TUSC3: variants seen among roughly 807,000 people sequenced by gnomAD.
The protein encoded by TUSC3 is tumor suppressor candidate 3.
TUSC3 carries 45 observed loss-of-function variants against 44.8 expected under a neutral mutation model. That is an observed-to-expected ratio of 1.00 (90% CI 0.79 to 1.29). The LOEUF (loss-of-function observed/expected upper bound fraction) is 1.29, where lower values mean the gene tolerates loss of function less well. Ranked by LOEUF, TUSC3 falls within the 50% of genes most tolerant of loss-of-function variation. The probability of loss-of-function intolerance (pLI) is 0.00; values close to 1 mark genes in which losing one functional copy is unlikely to be tolerated. For missense variants in TUSC3, 519 were observed against 437.9 expected (o/e 1.19, Z -1.65); for synonymous variants, 212 against 152.9 (o/e 1.39, Z -2.85).
downstream of TUSC3, among the ~76,000 whole-genome samples, chr8:15,771,315 T>C (rs1045976969): frequency 5.3e-5 from 8 of 152,168 alleles, no homozygotes; most frequent in African/African-American, 1.9e-4. Context: ...TATAATCCCG[T>C]GGGCTTTTTG....
At chr8:15,418,572 G>A (rs538938872) in intron 1 of TUSC3, among the ~76,000 whole-genome samples, 2 of 152,272 alleles carry the variant, frequency 1.3e-5, no homozygotes, top group South Asian at 4.1e-4. Context: ...GAAAACAAAA[G>A]TTATAAAATC....
intron 6 of TUSC3, chr8:15,688,952 A>C (rs1010698232): frequency 1.5e-5 from 3 of 199,656 alleles, no homozygotes; most frequent in South Asian, 8.8e-5. Context: ...TTGAGGACTG[A>C]GTGCATACAG....
chr8:15,745,816 G>A (rs1485768698), intron 8 of TUSC3, among the ~76,000 whole-genome samples: 1 of 151,906 alleles, frequency 6.6e-6, no homozygotes, highest in Non-Finnish European at 1.5e-5. Context: ...GTTTTTATTT[G>A]CAATTGCCTT....
chr8:15,504,714 G>A (rs1183438981), intron 2 of TUSC3, among the ~76,000 whole-genome samples: 1 of 143,142 alleles, frequency 7.0e-6, no homozygotes, highest in African/African-American at 2.6e-5. Context: ...GTGCAGTGGT[G>A]CGATCTTGGC....
intron 1 of TUSC3, among the ~76,000 whole-genome samples, chr8:15,570,043 A>C (rs948808427): frequency 1.3e-5 from 2 of 152,032 alleles, no homozygotes; most frequent in Non-Finnish European, 2.9e-5. Context: ...ATATTGATGG[A>C]AAATTTTGCT....
chr8:15,704,911 A>T (rs150125734), intron 6 of TUSC3, among the ~76,000 whole-genome samples: 9 of 151,296 alleles, frequency 5.9e-5, no homozygotes, highest in African/African-American at 2.2e-4. Flanking sequence ...AACAGTTAGA[A>T]CCCATGCTGG....
the TUSC3 span, among the ~76,000 whole-genome samples, chr8:15,798,061 T>C: frequency 6.6e-6 from 1 of 152,208 alleles, no homozygotes; most frequent in Admixed American, 6.5e-5. Flanking sequence ...GAAAGAAACA[T>C]AAGGTACGGA....
intron 7 of TUSC3, among the ~76,000 whole-genome samples, chr8:15,743,037 T>A (rs1164908079): frequency 1.3e-5 from 2 of 152,208 alleles, no homozygotes; most frequent in African/African-American, 2.4e-5. Context: ...TTGTCTGCTT[T>A]TGTAAGATTG....
the TUSC3 span, among the ~76,000 whole-genome samples, chr8:15,842,588 G>A: frequency 1.3e-5 from 2 of 152,162 alleles, no homozygotes; most frequent in African/African-American, 4.8e-5. Flanking sequence ...TATTTCCTGT[G>A]CATGCAAAGC....
At chr8:15,434,400 C>A (rs1585787235) in intron 1 of TUSC3, among the ~76,000 whole-genome samples, 1 of 152,022 alleles carries the variant, frequency 6.6e-6, no homozygotes, top group East Asian at 1.9e-4. Flanking sequence ...TGTACTTCTT[C>A]AAAATCTTCC....
intron 2 of TUSC3, among the ~76,000 whole-genome samples, chr8:15,515,772 A>G (rs1425528965): frequency 1.3e-5 from 2 of 151,758 alleles, no homozygotes; most frequent in Non-Finnish European, 2.9e-5. Flanking sequence ...GGTTCAAGTA[A>G]CTCTCCTGCC....
At chr8:15,592,418 G>T (rs1230734787) in intron 1 of TUSC3, among the ~76,000 whole-genome samples, 1 of 152,170 alleles carries the variant, frequency 6.6e-6, no homozygotes, top group African/African-American at 2.4e-5. Flanking sequence ...CACCTGGTGG[G>T]AGGTGTTTGG....
chr8:15,674,646 A>G (rs1321071019), intron 6 of TUSC3, among the ~76,000 whole-genome samples: 1 of 151,804 alleles, frequency 6.6e-6, no homozygotes, highest in Non-Finnish European at 1.5e-5. Flanking sequence ...TTATTACTAT[A>G]TAATAATCAA....
chr8:15,810,998 C>A, the TUSC3 span, among the ~76,000 whole-genome samples: 375 of 152,182 alleles, frequency 2.5e-3, 1 homozygote, highest in African/African-American at 8.7e-3. Context: ...CCTTAGATTA[C>A]TTCCAGTTTC....
At chr8:15,593,652 C>G (rs1563123557) in intron 1 of TUSC3, among the ~76,000 whole-genome samples, 1 of 152,106 alleles carries the variant, frequency 6.6e-6, no homozygotes, top group African/African-American at 2.4e-5. Context: ...TAATTTTTCC[C>G]TCATAAGTCT....
chr8:15,591,914 C>T (rs1237665962), intron 1 of TUSC3, among the ~76,000 whole-genome samples: 2 of 152,126 alleles, frequency 1.3e-5, no homozygotes, highest in East Asian at 1.9e-4. Flanking sequence ...ATCTCTTTTA[C>T]ATTTTAAAGT....
At chr8:15,556,127 G>C (rs1364747663) in intron 1 of TUSC3, among the ~76,000 whole-genome samples, 1 of 149,824 alleles carries the variant, frequency 6.7e-6, no homozygotes, top group East Asian at 2.0e-4. Flanking sequence ...TCTAGCATTA[G>C]GTAAATCTCC....
intron 1 of TUSC3, among the ~76,000 whole-genome samples, chr8:15,556,308 C>A (rs1585097556): frequency 6.7e-6 from 1 of 150,224 alleles, no homozygotes; most frequent in African/African-American, 2.4e-5. Flanking sequence ...CCAATTTCAT[C>A]CATGTCCCTA....
At position 15,659,520 on chromosome 8, in the gene TUSC3, C is replaced by G; in HGVS notation, c.440C>G (p.Ser147Cys). 6.2e-7 allele frequency: 1 copy of G among 1,612,786 alleles called. No homozygotes were observed. The highest frequency in any genetic ancestry group is 8.5e-7 in the Non-Finnish European group (1 of 1,179,584). The change falls in exon 4 of 11, where the codon TCT becomes TGT. Residue 147 changes from serine to cysteine, a missense_variant. By Grantham distance (112) the Ser-to-Cys change is moderately radical. Coordinates refer to ENST00000503731, the MANE Select transcript of TUSC3 (RefSeq NM_006765.4). ...CATGTTTTACAGCTCAACATGAACTCTGCTCCTACATTCATGCATTTTCCT... is the reference window on the plus strand; with the variant it reads ...CATGTTTTACAGCTCAACATGAACTGTGCTCCTACATTCATGCATTTTCCT... ...TDVFQQLNMN[S>C]APTFMHFPPK...
Sources: gnomAD v4.1 joint callset for allele counts (sites outside exome capture counted in the v4.1 genomes callset) on GRCh38, gnomAD v4.1.1 for gene constraint, MANE v1.5 for transcripts, NCBI Gene and HGNC (gene_info 2026-07-23, HGNC 2026-07-21) for gene names.